Variants in SEMA3A observed in about 807,000 individuals in gnomAD.
The protein encoded by SEMA3A is semaphorin 3A.
Under a neutral mutation model 97.9 loss-of-function variants are expected in SEMA3A, and 29 were observed. The observed-to-expected ratio is 0.30, with a 90% CI of 0.22 to 0.40. The LOEUF is 0.40. Ranked by LOEUF, SEMA3A falls within the 10% of genes least tolerant of loss-of-function variation. The probability of loss-of-function intolerance (pLI) is 1.00; values close to 1 mark genes in which losing one functional copy is unlikely to be tolerated. For missense variants in SEMA3A, 763 were observed against 951.3 expected (o/e 0.80, Z 2.60); for synonymous variants, 321 against 323.7 (o/e 0.99, Z 0.09).
chr7:84,158,427 T>C (rs1278320511), intron 1 of SEMA3A, among the ~76,000 whole-genome samples: 1 of 151,998 alleles, frequency 6.6e-6, no homozygotes, highest in African/African-American at 2.4e-5. Context: ...GCTGGGATTA[T>C]AGGCGTGAGC....
rs1801632519 is a variant in SEMA3A, at chr7:84,321,137, T to G, written c.-168-13845A>C. 2.0e-5 allele frequency among the ~76,000 whole-genome samples: 3 copies of G among 152,148 alleles called. No individual in the cohort carries two copies. The South Asian group carries it at 6.2e-4, about 32-fold the overall frequency. Reference sequence around the variant, plus strand: ...AAAAAATCAAGTGATTTGGACACAATGTATGGAGGAGAACACATAGATTGT... The same window carrying G: ...AAAAAATCAAGTGATTTGGACACAAGGTATGGAGGAGAACACATAGATTGT... On this transcript the variant is annotated intron_variant, in intron 2 of 3. Transcript: ENST00000424555.
chr7:84,255,961 C>T (rs1799712105), intron 3 of SEMA3A, among the ~76,000 whole-genome samples: 4 of 150,472 alleles, frequency 2.7e-5, no homozygotes, highest in Admixed American at 2.6e-4. Flanking sequence ...ATCCTTTCCC[C>T]AAGCACAAGA....
chr7:84,365,719 T>A (rs1802833642), intron 2 of SEMA3A, among the ~76,000 whole-genome samples: 1 of 151,358 alleles, frequency 6.6e-6, no homozygotes, highest in Admixed American at 6.6e-5. Flanking sequence ...TCAAAATCAC[T>A]CTGATGTTAG....
intron 1 of SEMA3A, among the ~76,000 whole-genome samples, chr7:84,474,440 C>CT (rs377261490): frequency 8.6e-5 from 13 of 150,790 alleles, no homozygotes; most frequent in African/African-American, 1.7e-4. Flanking sequence ...AGGACTGCTC[C>CT]TTTTTTTTTC....
intron 1 of SEMA3A, among the ~76,000 whole-genome samples, chr7:84,491,553 T>G (rs1220839107): frequency 6.6e-6 from 1 of 152,096 alleles, no homozygotes; most frequent in Non-Finnish European, 1.5e-5. Context: ...TCTTTTACAT[T>G]GGCTGACATT....
chr7:84,286,346 T>C (rs576808832), intron 3 of SEMA3A, among the ~76,000 whole-genome samples: 19 of 152,274 alleles, frequency 1.2e-4, no homozygotes, highest in Admixed American at 2.6e-4. Context: ...GTAATGTCGA[T>C]AAAGGAAGGA....
At chr7:84,217,936 A>G (rs935775779) in intron 3 of SEMA3A, among the ~76,000 whole-genome samples, 9 of 151,888 alleles carry the variant, frequency 5.9e-5, no homozygotes, top group Non-Finnish European at 1.3e-4. Flanking sequence ...TAAAAAACAT[A>G]TTAGCTAGTG....
intron 3 of SEMA3A, among the ~76,000 whole-genome samples, chr7:84,253,229 T>C (rs1799647744): frequency 6.6e-6 from 1 of 152,172 alleles, no homozygotes; most frequent in African/African-American, 2.4e-5. Context: ...AAGAGCTATG[T>C]AACTTTTTTA....
At chr7:84,205,770 G>T (rs116533339) in intron 3 of SEMA3A, among the ~76,000 whole-genome samples, 1 of 152,206 alleles carries the variant, frequency 6.6e-6, no homozygotes, top group African/African-American at 2.4e-5. Context: ...CCAGAATTTT[G>T]AAAGTTCATT....
chr7:84,029,953 A>G (rs949182422), intron 6 of SEMA3A, among the ~76,000 whole-genome samples: 1 of 152,136 alleles, frequency 6.6e-6, no homozygotes, highest in Non-Finnish European at 1.5e-5. Flanking sequence ...GGAAAAGATG[A>G]TCGTCTTTTT....
intron 2 of SEMA3A, among the ~76,000 whole-genome samples, chr7:84,313,340 ATG>A (rs1491119931): frequency 9.3e-5 from 10 of 107,830 alleles, no homozygotes; most frequent in African/African-American, 4.4e-4. Flanking sequence ...ATATATATAT[ATG>A]TATATGTGTG....
intron 2 of SEMA3A, among the ~76,000 whole-genome samples, chr7:84,310,324 A>AAGC (rs148492774): frequency 0.018 from 2,788 of 152,094 alleles, 87 homozygotes; most frequent in African/African-American, 0.064. Flanking sequence ...TATGTGAGCC[A>AAGC]AGCAGGTACC....
chr7:84,196,306 A>G (rs939502883), upstream of SEMA3A, among the ~76,000 whole-genome samples: 2 of 152,084 alleles, frequency 1.3e-5, no homozygotes, highest in African/African-American at 4.8e-5. Context: ...TTCATTACTT[A>G]ATGTCCACAG....
At chr7:84,137,740 C>T (rs1261644365) in intron 1 of SEMA3A, among the ~76,000 whole-genome samples, 1 of 119,620 alleles carries the variant, frequency 8.4e-6, no homozygotes, top group South Asian at 2.9e-4. Flanking sequence ...AAAAAAATTA[C>T]ATAGAGATAT....
chr7:84,446,760 T>C (rs1805423595), intron 1 of SEMA3A, among the ~76,000 whole-genome samples: 1 of 152,156 alleles, frequency 6.6e-6, no homozygotes, highest in Admixed American at 6.5e-5. Flanking sequence ...GATATCTGCT[T>C]GCACCACTGA....
intron 5 of SEMA3A, among the ~76,000 whole-genome samples, chr7:84,055,507 G>A (rs1792928423): frequency 6.6e-6 from 1 of 151,956 alleles, no homozygotes; most frequent in African/African-American, 2.4e-5. Flanking sequence ...CTAGGAAAGG[G>A]AACTCCCTGA....
At chr7:84,070,088 A>G (rs1234378463) in intron 4 of SEMA3A, among the ~76,000 whole-genome samples, 2 of 152,154 alleles carry the variant, frequency 1.3e-5, no homozygotes, top group Admixed American at 1.3e-4. Context: ...CAATGTACAC[A>G]ATTAAACTGC....
chr7:84,395,706 G>A (rs143648514), intron 1 of SEMA3A, among the ~76,000 whole-genome samples: 266 of 152,070 alleles, frequency 1.7e-3, no homozygotes, highest in African/African-American at 6.2e-3. Context: ...CTGTTTGCTC[G>A]GCACTTCTTC....
At chr7:84,335,151 T>C in intron 2 of SEMA3A, among the ~76,000 whole-genome samples, 1 of 152,126 alleles carries the variant, frequency 6.6e-6, no homozygotes, top group East Asian at 1.9e-4. Context: ...ATTACTAGAA[T>C]TTCCTATTGA....
Sources: allele counts gnomAD v4.1 joint callset (sites outside exome capture counted in the v4.1 genomes callset), GRCh38; gene constraint gnomAD v4.1.1; transcripts MANE v1.5; gene names NCBI Gene and HGNC (gene_info 2026-07-23, HGNC 2026-07-21).